The following AGBL4 variants were observed in gnomAD, a reference collection of about 807,000 sequenced individuals.
AGBL4 encodes the protein AGBL carboxypeptidase 4.
A neutral mutation model predicts 66.4 loss-of-function variants in AGBL4; 58 were observed. The observed-to-expected ratio is 0.87, with a 90% CI of 0.71 to 1.09. The LOEUF is 1.09. Among genes scored for constraint, AGBL4 ranks in the 50% least tolerant of loss-of-function variants. The pLI is 0.00. For missense variants in AGBL4, 579 were observed against 631.0 expected (o/e 0.92, Z 0.88); for synonymous variants, 234 against 222.9 (o/e 1.05, Z -0.44).
chr1:48,894,335 C>A (rs1293446969), intron 5 of AGBL4, among the ~76,000 whole-genome samples: 4 of 152,046 alleles, frequency 2.6e-5, no homozygotes, highest in Non-Finnish European at 5.9e-5. Flanking sequence ...AAAACTGATA[C>A]TCAGGTTAAT....
intron 5 of AGBL4, among the ~76,000 whole-genome samples, chr1:48,875,696 T>C (rs918731359): frequency 2.6e-5 from 4 of 152,160 alleles, no homozygotes; most frequent in African/African-American, 7.2e-5. Context: ...GAGGAGCATA[T>C]AAAACTGCAA....
intron 6 of AGBL4, among the ~76,000 whole-genome samples, chr1:48,839,140 T>C (rs1413676866): frequency 1.3e-5 from 2 of 152,050 alleles, no homozygotes; most frequent in Non-Finnish European, 2.9e-5. Context: ...AAACTACAAT[T>C]AGAAATAACA....
At chr1:48,726,358 C>T (rs1486263663) in intron 6 of AGBL4, among the ~76,000 whole-genome samples, 1 of 152,050 alleles carries the variant, frequency 6.6e-6, no homozygotes, top group African/African-American at 2.4e-5. Context: ...AAGTTTTTTT[C>T]CAGCATCTCA....
At chr1:49,554,039 G>A (rs1653196355) in intron 3 of AGBL4, among the ~76,000 whole-genome samples, 1 of 152,110 alleles carries the variant, frequency 6.6e-6, no homozygotes, top group Admixed American at 6.6e-5. Context: ...AACCTGAGGG[G>A]AGAGCATTGT....
chr1:48,637,649 C>T (rs1213913570), intron 8 of AGBL4, among the ~76,000 whole-genome samples: 1 of 146,218 alleles, frequency 6.8e-6, no homozygotes, highest in African/African-American at 2.5e-5. Flanking sequence ...TGCTGTGGAA[C>T]AGAGGCAGAG....
At chr1:49,685,057 C>CCCACCTT (rs1179301390) in intron 3 of AGBL4, among the ~76,000 whole-genome samples, 1 of 152,142 alleles carries the variant, frequency 6.6e-6, no homozygotes, top group Non-Finnish European at 1.5e-5. Flanking sequence ...TCACCCTCCT[C>CCCACCTT]CCACCTTCCA....
chr1:49,903,324 G>A (rs1338019529), intron 1 of AGBL4, among the ~76,000 whole-genome samples: 1 of 152,110 alleles, frequency 6.6e-6, no homozygotes, highest in Non-Finnish European at 1.5e-5. Context: ...ACATAAAGAG[G>A]AGAACAATAG....
intron 6 of AGBL4, among the ~76,000 whole-genome samples, chr1:48,864,322 T>G (rs1647782934): frequency 6.6e-6 from 1 of 152,194 alleles, no homozygotes; most frequent in South Asian, 2.1e-4. Flanking sequence ...ATGAAAACTC[T>G]TACATTCTGC....
intron 4 of AGBL4, among the ~76,000 whole-genome samples, chr1:49,218,892 T>C (rs354170): frequency 0.94 from 143,804 of 152,182 alleles, 67,976 homozygotes; most frequent in Admixed American, 0.97. Flanking sequence ...AAGAGGAATT[T>C]CCTGCACAAG....
chr1:49,348,205 T>G (rs928789336), intron 3 of AGBL4, among the ~76,000 whole-genome samples: 16 of 151,562 alleles, frequency 1.1e-4, no homozygotes, highest in African/African-American at 3.6e-4. Flanking sequence ...GATCACGAGG[T>G]GAGGAGATTG....
At chr1:49,301,795 C>A (rs1314598048) in intron 3 of AGBL4, among the ~76,000 whole-genome samples, 1 of 152,040 alleles carries the variant, frequency 6.6e-6, no homozygotes, top group Non-Finnish European at 1.5e-5. Context: ...CCGATGACCC[C>A]CACCCAGGAA....
At chr1:49,087,432 A>G (rs1482817372) in intron 4 of AGBL4, among the ~76,000 whole-genome samples, 1 of 152,242 alleles carries the variant, frequency 6.6e-6, no homozygotes, top group African/African-American at 2.4e-5. Context: ...TCACTTCAGA[A>G]TTTCATAATA....
chr1:49,773,859 CCT>C (rs1644128343), intron 2 of AGBL4, among the ~76,000 whole-genome samples: 2 of 152,300 alleles, frequency 1.3e-5, no homozygotes, highest in Middle Eastern at 3.4e-3. Flanking sequence ...TGCATGCTTG[CCT>C]GTTTCCCTGG....
intron 3 of AGBL4, among the ~76,000 whole-genome samples, chr1:49,545,406 G>C (rs920896509): frequency 3.3e-5 from 5 of 152,190 alleles, no homozygotes; most frequent in Admixed American, 2.0e-4. Context: ...TTTCAGATGA[G>C]ATCCCAGCCT....
intron 6 of AGBL4, among the ~76,000 whole-genome samples, chr1:48,729,934 C>T (rs1647833352): frequency 6.6e-6 from 1 of 152,080 alleles, no homozygotes; most frequent in African/African-American, 2.4e-5. Flanking sequence ...CTCTCCAGTC[C>T]CACCTCTGCT....
intron 11 of AGBL4, among the ~76,000 whole-genome samples, chr1:48,546,860 A>ACACACACAC (rs1553185388): frequency 2.3e-5 from 1 of 42,874 alleles, no homozygotes; most frequent in Non-Finnish European, 4.3e-5. Context: ...TAGTAAAACA[A>ACACACACAC]ACAAACACAC....
intron 2 of AGBL4, among the ~76,000 whole-genome samples, chr1:49,712,092 T>G (rs1336373957): frequency 6.6e-6 from 1 of 151,978 alleles, no homozygotes; most frequent in Non-Finnish European, 1.5e-5. Flanking sequence ...TAAATTATAG[T>G]TATGCCATAT....
chr1:49,608,185 G>A (rs1645093767), intron 3 of AGBL4, among the ~76,000 whole-genome samples: 2 of 152,004 alleles, frequency 1.3e-5, no homozygotes, highest in East Asian at 3.9e-4. Context: ...GAAAGGGGAA[G>A]GAATCAACAT....
intron 3 of AGBL4, among the ~76,000 whole-genome samples, chr1:49,520,809 CTTTT>C (rs780615627): frequency 1.4e-5 from 2 of 139,146 alleles, no homozygotes; most frequent in East Asian, 2.1e-4. Context: ...AGATCACTCA[CTTTT>C]TTTTTTTTTT....
Sources: gnomAD v4.1 joint callset for allele counts (sites outside exome capture counted in the v4.1 genomes callset) on GRCh38, gnomAD v4.1.1 for gene constraint, MANE v1.5 for transcripts, NCBI Gene and HGNC (gene_info 2026-07-23, HGNC 2026-07-21) for gene names.